The following KHDRBS2 variants were observed in gnomAD, a reference collection of about 807,000 sequenced individuals.
The protein encoded by KHDRBS2 is KH RNA binding domain containing, signal transduction associated 2.
A neutral mutation model predicts 44.3 loss-of-function variants in KHDRBS2; 26 were observed. That is an observed-to-expected ratio of 0.59 (90% CI 0.43 to 0.81). KHDRBS2 has a LOEUF of 0.81. Ranked by LOEUF, KHDRBS2 falls within the 40% of genes least tolerant of loss-of-function variation. The probability of loss-of-function intolerance (pLI) is 0.00; values close to 1 mark genes in which losing one functional copy is unlikely to be tolerated. For missense variants in KHDRBS2, 476 were observed against 433.1 expected, an observed-to-expected ratio of 1.10 and a Z score of -0.88; for synonymous variants, 194 against 151.1, an observed-to-expected ratio of 1.28 and a Z score of -2.08.
intron 6 of KHDRBS2, among the ~76,000 whole-genome samples, chr6:61,818,266 TA>T (rs60399147): frequency 4.5e-3 from 514 of 114,434 alleles, no homozygotes; most frequent in East Asian, 0.029. Flanking sequence ...CCTCTGTAAG[TA>T]AAAAAAAAAA....
At chr6:62,183,960 AAAT>A (rs1822902385) in intron 1 of KHDRBS2, among the ~76,000 whole-genome samples, 1 of 151,742 alleles carries the variant, frequency 6.6e-6, no homozygotes, top group Admixed American at 6.6e-5. Context: ...ACTTATATTT[AAAT>A]AATATCACCA....
chr6:61,727,024 A>G (rs1042247499), intron 7 of KHDRBS2, among the ~76,000 whole-genome samples: 2 of 152,206 alleles, frequency 1.3e-5, no homozygotes, highest in African/African-American at 4.8e-5. Context: ...TTCAAGCCAT[A>G]CTACAAGTCT....
intron 1 of KHDRBS2, among the ~76,000 whole-genome samples, chr6:62,262,019 T>C (rs1273991021): frequency 1.3e-5 from 2 of 151,766 alleles, no homozygotes; most frequent in African/African-American, 2.4e-5. Context: ...AAGTGTAAGA[T>C]AATAATTTCC....
chr6:61,567,130 GCTAT>G, the KHDRBS2 span, among the ~76,000 whole-genome samples: 1 of 152,294 alleles, frequency 6.6e-6, no homozygotes, highest in South Asian at 2.1e-4. Flanking sequence ...AGACAAGGAT[GCTAT>G]CTGTTTCAAT....
intron 1 of KHDRBS2, among the ~76,000 whole-genome samples, chr6:62,224,565 C>A (rs114648398): frequency 6.6e-6 from 1 of 152,130 alleles, no homozygotes; most frequent in Non-Finnish European, 1.5e-5. Flanking sequence ...TATCATTTTT[C>A]GCACTGGCAC....
intron 3 of KHDRBS2, among the ~76,000 whole-genome samples, chr6:62,025,196 G>A (rs1258833972): frequency 6.6e-6 from 1 of 151,652 alleles, no homozygotes; most frequent in Non-Finnish European, 1.5e-5. Context: ...CAGCCAAAGA[G>A]ACAGTCTGAA....
rs780323019 is a variant in KHDRBS2, at chr6:62,130,378, G to A, written c.219+46807C>T. ...GGCTCTGTAATCAGATACCTATGCC[G>A]CTGAACTAAAGTATACAATCTTAGT... On this transcript the variant is annotated intron_variant, in intron 2 of 8. Coordinates refer to ENST00000281156, the MANE Select transcript of KHDRBS2 (RefSeq NM_152688.4). 2.4e-4 allele frequency among the ~76,000 whole-genome samples: 36 copies of A among 152,098 alleles called. 1 individual carries two copies. Among genetic ancestry groups the A allele is most frequent in the Non-Finnish European group, 1.6e-4 (11 of 68,020 alleles).
At chr6:62,090,853 C>A (rs9346058) in intron 2 of KHDRBS2, among the ~76,000 whole-genome samples, 1 of 151,842 alleles carries the variant, frequency 6.6e-6, no homozygotes, top group Admixed American at 6.6e-5. Context: ...TCATTATATT[C>A]CTGAGGTATA....
At chr6:61,969,917 G>T (rs1190572990) in intron 4 of KHDRBS2, among the ~76,000 whole-genome samples, 1 of 151,868 alleles carries the variant, frequency 6.6e-6, no homozygotes, top group African/African-American at 2.4e-5. Flanking sequence ...AAAATTTTAA[G>T]ATGTTATTAT....
At chr6:62,128,200 TCTTTACTCTTCC>T (rs1809419132) in intron 2 of KHDRBS2, among the ~76,000 whole-genome samples, 4 of 152,122 alleles carry the variant, frequency 2.6e-5, no homozygotes, top group Non-Finnish European at 4.4e-5. Flanking sequence ...TAGGTTCAGA[TCTTTACTCTTCC>T]CTTTACTCCC....
In KHDRBS2 at chr6:62,020,056, G is replaced by T. The variant is rs77246416; in HGVS notation, c.336+27822C>A. Among the ~76,000 whole-genome samples, 837 of 151,902 alleles carry T rather than the reference G, an allele frequency of 5.5e-3. 9 individuals carry two copies. The highest frequency in any genetic ancestry group is 0.019 in the African/African-American group (793 of 41,504). ...TTCTTACATAAAGTATATGTTTAAT[G>T]CTATGAAGTTCCACCTAAATTTGAT... is the stretch of plus-strand genomic sequence containing the variant. On this transcript the variant is annotated intron_variant, in intron 3 of 8. Coordinates refer to ENST00000281156, the MANE Select transcript of KHDRBS2 (RefSeq NM_152688.4).
intron 2 of KHDRBS2, among the ~76,000 whole-genome samples, chr6:62,068,893 T>G (rs1458254961): frequency 1.3e-5 from 2 of 151,748 alleles, no homozygotes. Flanking sequence ...ATCTTGAATA[T>G]TGTAGCTTTG....
the KHDRBS2 span, among the ~76,000 whole-genome samples, chr6:61,579,842 G>A: frequency 6.9e-6 from 1 of 144,834 alleles, no homozygotes. Context: ...TGGATCGCCT[G>A]AGGTTGGGAG....
At position 62,191,538 on chromosome 6, in the gene KHDRBS2, C is replaced by T. The variant is rs573737296; in HGVS notation, c.92-14226G>A. Among the ~76,000 whole-genome samples the T allele has an allele frequency of 3.9e-5, 6 of 152,168 alleles. No individual in the cohort carries two copies. The South Asian group carries it at 1.2e-3, about 32-fold the overall frequency. On this transcript the variant is annotated intron_variant, in intron 1 of 8. Transcript: ENST00000281156. Reference sequence around the variant, plus strand: ...GTTTTCCTCATTAGACTATGACTTCCTTGAAGCCAAGGACCATATCACATT... The same window carrying T: ...GTTTTCCTCATTAGACTATGACTTCTTTGAAGCCAAGGACCATATCACATT...
chr6:61,795,478 TA>T (rs58559963), intron 6 of KHDRBS2, among the ~76,000 whole-genome samples: 3,354 of 147,462 alleles, frequency 0.023, 142 homozygotes, highest in East Asian at 0.14. Flanking sequence ...TTGCACATCT[TA>T]AAAAAAAAAA....
At chr6:61,718,651 T>C (rs1771838230) in intron 7 of KHDRBS2, among the ~76,000 whole-genome samples, 1 of 152,070 alleles carries the variant, frequency 6.6e-6, no homozygotes, top group Non-Finnish European at 1.5e-5. Context: ...GGATAGAAAC[T>C]CCCTGTACTT....
the KHDRBS2 span, among the ~76,000 whole-genome samples, chr6:61,645,537 G>T: frequency 7.7e-6 from 1 of 129,564 alleles, no homozygotes; most frequent in Non-Finnish European, 1.7e-5. Flanking sequence ...AAAAAAAAAG[G>T]TATTTGAGTA....
rs182666347 is a variant in KHDRBS2, at chr6:62,167,549, A to T, written c.219+9636T>A. ...GAGAATATGGTCTACAGCAATTTGA[A>T]TTTTTTTTCCTCATAAAAATGTGAA... On this transcript the variant is annotated intron_variant, in intron 2 of 8. Transcript: ENST00000281156. Among the ~76,000 whole-genome samples, 832 of 152,118 alleles carry T rather than the reference A, an allele frequency of 5.5e-3. 4 individuals carry two copies. The highest frequency in any genetic ancestry group is 9.3e-3 in the Admixed American group (142 of 15,250).
At chr6:61,587,172 G>C in the KHDRBS2 span, among the ~76,000 whole-genome samples, 4 of 152,116 alleles carry the variant, frequency 2.6e-5, no homozygotes, top group Non-Finnish European at 4.4e-5. Context: ...GCCACAGCTG[G>C]CTTTTTGCAT....
Sources: gnomAD v4.1 joint callset for allele counts (sites outside exome capture counted in the v4.1 genomes callset) on GRCh38, gnomAD v4.1.1 for gene constraint, MANE v1.5 for transcripts, NCBI Gene and HGNC (gene_info 2026-07-23, HGNC 2026-07-21) for gene names.